Variants in SCN7A observed in about 807,000 individuals in gnomAD.
SCN7A encodes sodium channel protein type 7 subunit alpha.
A neutral mutation model predicts 155.2 loss-of-function variants in SCN7A; 138 were observed. That is an observed-to-expected ratio of 0.89 (90% confidence interval 0.77 to 1.02). The LOEUF (loss-of-function observed/expected upper bound fraction) is 1.02, where lower values mean the gene tolerates loss of function less well. SCN7A is among the 50% of genes least tolerant of loss of function. The pLI, the probability that SCN7A is intolerant of heterozygous loss-of-function variation, is 0.00. For synonymous variants in SCN7A, 693 were observed against 649.0 expected (o/e 1.07, Z -1.03); for missense variants, 2,058 against 1,986.6 (o/e 1.04, Z -0.68).
At chr2:166,442,397 TTTTG>T (rs1559106228) in intron 14 of SCN7A, among the ~76,000 whole-genome samples, 1 of 152,156 alleles carries the variant, frequency 6.6e-6, no homozygotes, top group African/African-American at 2.4e-5. Context: ...TTCAATTTTT[TTTTG>T]TTTGTTTGAC....
At chr2:166,415,790 CAT>C (rs936719487) in intron 21 of SCN7A, among the ~76,000 whole-genome samples, 10 of 152,080 alleles carry the variant, frequency 6.6e-5, no homozygotes, top group Non-Finnish European at 8.8e-5. Context: ...GATTGTAAAA[CAT>C]GTGTGTTTGA....
intron 15 of SCN7A, among the ~76,000 whole-genome samples, chr2:166,434,490 C>CA (rs1383039608): frequency 6.6e-6 from 1 of 152,106 alleles, no homozygotes; most frequent in East Asian, 1.9e-4. Flanking sequence ...GGACAATGAT[C>CA]AAATGCTAAT....
At chr2:166,409,983 A>G in intron 24 of SCN7A, 48 bp from the exon 25 acceptor site, 1 of 1,420,422 alleles carries the variant, frequency 7.0e-7, no homozygotes, top group South Asian at 1.5e-5. Context: ...TAGGATACAT[A>G]TACATATATA....
intron 25 of SCN7A, 120 bp from the exon 26 acceptor site, chr2:166,406,766 T>C: frequency 1.4e-6 from 1 of 731,202 alleles, no homozygotes. Context: ...TATTGATCCC[T>C]TCCATTTTAC....
rs181471051 is a variant in SCN7A, at chr2:166,477,374, C to T, written c.234+89G>A. Reference sequence around the variant, plus strand: ...CAGATCTTTCCCTGTTTTTCATTATCTTTTTGTATCCTATCTCAATTACAT... The same window carrying T: ...CAGATCTTTCCCTGTTTTTCATTATTTTTTTGTATCCTATCTCAATTACAT... On this transcript the variant is annotated intron_variant, in intron 3 of 25. Transcript: ENST00000643258. 281 of 846,356 alleles carry T rather than the reference C, an allele frequency of 3.3e-4. 1 individual carries two copies. In the East Asian group the frequency reaches 7.3e-3, roughly 22 times the overall value. The allele number at this position is 846,356 out of a possible 1,614,324, so 52.4% of individuals were successfully genotyped here.
intron 15 of SCN7A, among the ~76,000 whole-genome samples, chr2:166,433,458 G>C (rs1180668811): frequency 6.6e-6 from 1 of 152,084 alleles, no homozygotes; most frequent in Non-Finnish European, 1.5e-5. Context: ...GATTTGTATA[G>C]CAAGAATTTA....
At chr2:166,465,346 G>T in intron 9 of SCN7A, 116 bp downstream of exon 9, 2 of 752,220 alleles carry the variant, frequency 2.7e-6, no homozygotes, top group Non-Finnish European at 4.4e-6. Flanking sequence ...GTATGGTTTT[G>T]ATGATGAAAT....
chr2:166,436,714 A>T (rs1360190011), intron 15 of SCN7A, among the ~76,000 whole-genome samples: 1 of 152,194 alleles, frequency 6.6e-6, no homozygotes, highest in African/African-American at 2.4e-5. Context: ...CAAAATGCTG[A>T]TAGTGATATG....
intron 1 of SCN7A, among the ~76,000 whole-genome samples, chr2:166,493,259 C>T (rs1048121085): frequency 6.6e-5 from 10 of 152,306 alleles, no homozygotes; most frequent in African/African-American, 1.9e-4. Flanking sequence ...CCATCATTTT[C>T]GTTAATGAAA....
intron 17 of SCN7A, 37 bp from the exon 18 acceptor site, chr2:166,427,979 A>G: frequency 6.3e-7 from 1 of 1,597,292 alleles, no homozygotes; most frequent in African/African-American, 1.3e-5. Context: ...ACAATCTAGA[A>G]AACTCATGAA....
chr2:166,426,279 G>A (rs1211011247), intron 18 of SCN7A, among the ~76,000 whole-genome samples: 1 of 152,054 alleles, frequency 6.6e-6, no homozygotes, highest in Non-Finnish European at 1.5e-5. Context: ...CTTTCCATTT[G>A]AGCCATGTGA....
At chr2:166,412,697 T>C in intron 22 of SCN7A, 30 bp from the exon 23 acceptor site, 1 of 1,467,942 alleles carries the variant, frequency 6.8e-7, no homozygotes, top group Non-Finnish European at 9.0e-7. Context: ...AAATTATTGA[T>C]ATTGGCTTTT....
At chr2:166,485,284 A>G (rs190581851) in intron 2 of SCN7A, among the ~76,000 whole-genome samples, 43 of 152,298 alleles carry the variant, frequency 2.8e-4, no homozygotes, top group African/African-American at 1.0e-3. Context: ...ATCTGGTTCT[A>G]CAGATTATGT....
rs1231177775 is a variant in SCN7A at position 166,441,450 on chromosome 2, G to A, written c.2103C>T (p.Gly701=). The A allele has an allele frequency of 6.2e-7, 1 of 1,613,148 alleles. No homozygotes were observed. The highest frequency in any genetic ancestry group is 8.5e-7 in the Non-Finnish European group (1 of 1,179,552). The change falls in exon 15 of 26, where the codon GGC becomes GGT. Residue 701 remains glycine (G), a synonymous_variant. Coordinates refer to ENST00000643258, the MANE Select transcript of SCN7A (RefSeq NM_002976.4). ...GGTAAAAAGGAATACACCAGGATTG[G>A]CCTGCAACCTCCATACAGTCCCACA... ...ETLWDCMEVA[G]QSWCIPFYLM... is the part of the protein sequence containing the mutation.
chr2:166,464,830 G>A (rs981593649), intron 9 of SCN7A, among the ~76,000 whole-genome samples: 3 of 152,148 alleles, frequency 2.0e-5, no homozygotes, highest in Non-Finnish European at 4.4e-5. Flanking sequence ...GAGCACTCTT[G>A]AAAACAGAAG....
intron 1 of SCN7A, among the ~76,000 whole-genome samples, chr2:166,491,025 CA>C (rs1683089529): frequency 6.6e-6 from 1 of 152,184 alleles, no homozygotes; most frequent in African/African-American, 2.4e-5. Flanking sequence ...AGCCTGTAAT[CA>C]AGTGCTTAGA....
At chr2:166,471,838 G>C (rs1702665045) in intron 6 of SCN7A, among the ~76,000 whole-genome samples, 1 of 151,694 alleles carries the variant, frequency 6.6e-6, no homozygotes, top group African/African-American at 2.4e-5. Context: ...AAATCTGCTA[G>C]GACCTTCTCC....
At chr2:166,425,018 C>G (rs1701592060) in intron 18 of SCN7A, among the ~76,000 whole-genome samples, 1 of 152,112 alleles carries the variant, frequency 6.6e-6, no homozygotes, top group African/African-American at 2.4e-5. Context: ...GGCAATGTTT[C>G]CACTCCTAGA....
At chr2:166,458,461 A>G (rs190814045) in intron 10 of SCN7A, among the ~76,000 whole-genome samples, 40 of 152,210 alleles carry the variant, frequency 2.6e-4, no homozygotes, top group Non-Finnish European at 4.6e-4. Context: ...TTTTATCTAT[A>G]TTGAACATAT....
Sources: allele counts gnomAD v4.1 joint callset (sites outside exome capture counted in the v4.1 genomes callset), GRCh38; gene constraint gnomAD v4.1.1; transcripts MANE v1.5; gene names NCBI Gene and HGNC (gene_info 2026-07-23, HGNC 2026-07-21).